Variants in DNAH5 observed in about 807,000 individuals in gnomAD.
The protein encoded by DNAH5 is axonemal beta dynein heavy chain 5.
In DNAH5, 372 loss-of-function variants were observed where a neutral mutation model predicts 518.2. The ratio of observed to expected loss-of-function variants is 0.72; its 90% CI spans 0.66 to 0.78. The LOEUF (loss-of-function observed/expected upper bound fraction) is 0.78. Ranked by LOEUF, DNAH5 falls within the 30% of genes least tolerant of loss-of-function variation. DNAH5 has a pLI of 0.00. For synonymous variants in DNAH5, 2,039 were observed against 2,025.9 expected (o/e 1.01, Z -0.17); for missense variants, 5,523 against 5,687.0 (o/e 0.97, Z 0.93).
rs1390327836 is a variant in DNAH5 at position 13,865,714 on chromosome 5, C to T, written c.4309G>A (p.Val1437Met). Residue 1437 changes from valine (V) to methionine (M), a missense_variant, in exon 27 of 79, where the codon GTG becomes ATG. Val to Met is a conservative substitution (Grantham distance 21). This residue lies in a region of DNAH5 where 5,121 missense variants were observed against 5,223.3 expected (regional missense o/e 0.98). Coordinates refer to ENST00000265104, the MANE Select transcript of DNAH5 (RefSeq NM_001369.3). Reference sequence around the variant, plus strand: ...TCATTGTTAATTTTTTCAATATTCACCTCTGACCAAAGAATATCATAATAG... The same window carrying T: ...TCATTGTTAATTTTTTCAATATTCATCTCTGACCAAAGAATATCATAATAG... ...NSYYDILWSE[V>M]NIEKINNELL... 6 of 1,604,444 alleles carry T rather than the reference C, an allele frequency of 3.7e-6. No homozygotes were observed. The highest frequency in any genetic ancestry group is 4.5e-5 in the East Asian group (2 of 44,832).
Position 13,769,253 on chromosome 5 carries a change from T to TG in DNAH5, c.9721-118_9721-117insC, listed in dbSNP as rs1305532463. 2.4e-5 allele frequency: 29 copies of TG among 1,196,922 alleles called. 1 individual carries two copies. In the Admixed American group the frequency reaches 4.3e-4, roughly 18 times the overall value. 74.1% of individuals were successfully genotyped at this position (1,196,922 alleles called of 1,614,324 possible). On this transcript the variant is annotated intron_variant, in intron 57 of 78. Coordinates refer to ENST00000265104, the MANE Select transcript of DNAH5 (RefSeq NM_001369.3). ...TCACTTACCCAGTTTTGTTGTTTTT[T>TG]TTTTTTTTTTTTGAGATGGAGTCTC...
chr5:14,008,608 T>C (rs1040638518), intron 1 of DNAH5, among the ~76,000 whole-genome samples: 1 of 150,438 alleles, frequency 6.6e-6, no homozygotes, highest in Non-Finnish European at 1.5e-5. Context: ...CACTCCAGCC[T>C]GGGCAACAGA....
chr5:13,711,733 C>A (rs900796535), intron 75 of DNAH5, among the ~76,000 whole-genome samples: 9 of 152,042 alleles, frequency 5.9e-5, no homozygotes, highest in Non-Finnish European at 1.2e-4. Context: ...CCAACAGTGA[C>A]CAAGTGGAGA....
chr5:13,857,126 C>T (rs1297368654), intron 30 of DNAH5, among the ~76,000 whole-genome samples: 2 of 152,152 alleles, frequency 1.3e-5, no homozygotes, highest in Non-Finnish European at 2.9e-5. Flanking sequence ...TTGTCTCAGC[C>T]CCAAAACTCC....
At chr5:13,864,765 A>C in intron 27 of DNAH5, 128 bp from the exon 28 acceptor site, 1 of 1,041,384 alleles carries the variant, frequency 9.6e-7, no homozygotes, top group Non-Finnish European at 1.5e-6. Flanking sequence ...AAATCCCATG[A>C]CTTGCAGGCT....
At chr5:13,712,680 CAAAAG>C (rs899663024) in intron 75 of DNAH5, among the ~76,000 whole-genome samples, 32 of 151,978 alleles carry the variant, frequency 2.1e-4, no homozygotes, top group Non-Finnish European at 3.5e-4. Flanking sequence ...AGGCAATTCT[CAAAAG>C]AAGATATACA....
At chr5:13,869,571 A>G (rs954066400) in intron 24 of DNAH5, among the ~76,000 whole-genome samples, 5 of 152,184 alleles carry the variant, frequency 3.3e-5, no homozygotes, top group African/African-American at 4.8e-5. Flanking sequence ...TGATATTAAT[A>G]ATTCACACTC....
chr5:13,871,500 C>G, intron 23 of DNAH5, 64 bp downstream of exon 23: 1 of 1,364,838 alleles, frequency 7.3e-7, no homozygotes, highest in Non-Finnish European at 1.0e-6. Context: ...GAATACAAAT[C>G]TAGGTAAAGA....
intron 50 of DNAH5, 140 bp downstream of exon 50, chr5:13,791,854 T>C (rs771493065): frequency 4.9e-5 from 33 of 674,278 alleles, no homozygotes; most frequent in African/African-American, 7.2e-5. Context: ...ATTATGTTAG[T>C]TTAAAAGCAG....
intron 2 of DNAH5, among the ~76,000 whole-genome samples, chr5:13,929,035 T>C (rs926684308): frequency 6.6e-6 from 1 of 152,240 alleles, no homozygotes; most frequent in Non-Finnish European, 1.5e-5. Context: ...AAAGAGATAT[T>C]TGTATACCCA....
intron 47 of DNAH5, among the ~76,000 whole-genome samples, chr5:13,794,545 T>C (rs1300945067): frequency 6.6e-6 from 1 of 152,206 alleles, no homozygotes; most frequent in Admixed American, 6.5e-5. Flanking sequence ...TTTGGGCAGA[T>C]GCAGTTACAC....
intron 36 of DNAH5, 66 bp downstream of exon 36, chr5:13,830,531 C>G (rs1763523338): frequency 6.3e-7 from 1 of 1,585,086 alleles, no homozygotes; most frequent in Non-Finnish European, 8.7e-7. Context: ...TTGTTGAAAA[C>G]AAATTTTAGC....
At chr5:13,701,030 C>A (rs2126406980) in intron 77 of DNAH5, among the ~76,000 whole-genome samples, 159 bp from the exon 78 acceptor site, 1 of 152,166 alleles carries the variant, frequency 6.6e-6, no homozygotes, top group South Asian at 2.1e-4. Flanking sequence ...AAAACCACAT[C>A]CTAATTGAGC....
At position 13,885,198 on chromosome 5, in the gene DNAH5, A is replaced by G; in HGVS notation, c.2774T>C (p.Leu925Ser). 6.2e-7 allele frequency: 1 copy of G among 1,614,216 alleles called. No individual in the cohort carries two copies. The highest frequency in any genetic ancestry group is 8.5e-7 in the Non-Finnish European group (1 of 1,180,028). Residue 925 changes from leucine to serine, a missense_variant, in exon 19 of 79, where the codon TTG becomes TCG. By Grantham distance (145) the Leu-to-Ser change is moderately radical. This residue lies in a region of DNAH5 where 5,121 missense variants were observed against 5,223.3 expected (regional missense o/e 0.98). Coordinates refer to ENST00000265104, the MANE Select transcript of DNAH5 (RefSeq NM_001369.3). ...GGCCCTGGCATTAATAGATGATGTC[A>G]AGGTGTCAAAATTTCCTTCTTCTCT... The part of the protein sequence containing the change: ...AKREEGNFDT[L>S]TSSINARANA...
intron 59 of DNAH5, among the ~76,000 whole-genome samples, chr5:13,764,778 T>C (rs928967762): frequency 1.3e-5 from 2 of 152,198 alleles, no homozygotes; most frequent in Non-Finnish European, 2.9e-5. Flanking sequence ...CATAAATTAA[T>C]ACTAAGCCCA....
Position 13,830,633 on chromosome 5 carries a change from G to A in DNAH5, c.6025C>T (p.Gln2009Ter). The change falls in exon 36 of 79, where the codon CAG becomes TAG. Residue 2009 changes from glutamine (Q) to a stop codon, truncating the protein, a stop_gained. Coordinates refer to ENST00000265104, the MANE Select transcript of DNAH5 (RefSeq NM_001369.3). LOFTEE classifies it high-confidence loss of function. ...KYVVVFNCSD[Q>*]MDFRGLGRIF... Reference sequence around the variant, plus strand: ...CGTCCAAGTCCTCGGAAATCCATCTGGTCTGAACAATTGAAAACCACGACG... The same window carrying A: ...CGTCCAAGTCCTCGGAAATCCATCTAGTCTGAACAATTGAAAACCACGACG... 3 of 1,614,144 alleles carry A rather than the reference G, an allele frequency of 1.9e-6. No individual in the cohort carries two copies. Among genetic ancestry groups the A allele is most frequent in the Non-Finnish European group, 2.5e-6 (3 of 1,180,036 alleles).
At chr5:13,909,495 C>G (rs1023282214) in intron 12 of DNAH5, among the ~76,000 whole-genome samples, 1 of 152,032 alleles carries the variant, frequency 6.6e-6, no homozygotes. Context: ...CCACAGCCTC[C>G]TCTCTGAAGC....
At position 13,739,764 on chromosome 5, in the gene DNAH5, C is replaced by T. The variant is rs1251731472; in HGVS notation, c.11212-2269G>A. On this transcript the variant is annotated intron_variant, in intron 65 of 78. Transcript: ENST00000265104. The stretch of plus-strand genomic sequence containing the variant: ...ACCCAGCCCAAACCGTCACTGTTAA[C>T]CATTACGCAAGTTCTTCCCTTTAGT... Among the ~76,000 whole-genome samples the T allele has an allele frequency of 3.9e-5, 6 of 152,172 alleles. No individual in the cohort carries two copies. In the East Asian group the frequency reaches 9.6e-4, roughly 24 times the overall value.
intron 70 of DNAH5, among the ~76,000 whole-genome samples, chr5:13,725,114 G>A (rs1745548730): frequency 1.3e-5 from 2 of 152,174 alleles, no homozygotes; most frequent in Admixed American, 6.5e-5. Flanking sequence ...TATGAAGCTT[G>A]CCCCCCACCT....
Sources: allele counts gnomAD v4.1 joint callset (sites outside exome capture counted in the v4.1 genomes callset), GRCh38; gene constraint gnomAD v4.1.1; regional missense constraint gnomAD v4.1.1; transcripts MANE v1.5; gene names NCBI Gene and HGNC (gene_info 2026-07-23, HGNC 2026-07-21).